SOX6: variants seen among roughly 807,000 people sequenced by gnomAD.
The protein encoded by SOX6 is transcription factor SOX-6.
Under a neutral mutation model 97.8 loss-of-function variants are expected in SOX6, and 11 were observed. The observed-to-expected ratio is 0.11, with a 90% CI of 0.07 to 0.19. SOX6 has a LOEUF of 0.19. SOX6 is among the 10% of genes least tolerant of loss of function. SOX6 has a pLI of 1.00. For synonymous variants in SOX6, 360 were observed against 371.4 expected, an observed-to-expected ratio of 0.97 and a Z score of 0.35; for missense variants, 810 against 1,039.5, an observed-to-expected ratio of 0.78 and a Z score of 3.04.
At chr11:16,291,307 G>T (rs944068819) in intron 3 of SOX6, among the ~76,000 whole-genome samples, 1 of 148,238 alleles carries the variant, frequency 6.7e-6, no homozygotes, top group Non-Finnish European at 1.5e-5. Flanking sequence ...GTAAACACAA[G>T]ATGCTGTTTT....
chr11:16,235,532 T>C (rs1462845950), intron 3 of SOX6, among the ~76,000 whole-genome samples: 1 of 152,038 alleles, frequency 6.6e-6, no homozygotes, highest in Admixed American at 6.6e-5. Flanking sequence ...AACAAATAGG[T>C]CATGTTTCCA....
chr11:16,125,243 G>A (rs1189641243), intron 6 of SOX6, among the ~76,000 whole-genome samples: 1 of 151,970 alleles, frequency 6.6e-6, no homozygotes, highest in Non-Finnish European at 1.5e-5. Context: ...TTCCCCAAAT[G>A]TTATATCAAA....
At chr11:16,398,608 T>C (rs914147425) in intron 1 of SOX6, among the ~76,000 whole-genome samples, 1 of 151,514 alleles carries the variant, frequency 6.6e-6, no homozygotes, top group Non-Finnish European at 1.5e-5. Flanking sequence ...TTGTTGTCTA[T>C]GGGTCTTATT....
chr11:16,081,415 T>C (rs1217426124), intron 9 of SOX6, among the ~76,000 whole-genome samples: 1 of 152,028 alleles, frequency 6.6e-6, no homozygotes, highest in East Asian at 1.9e-4. Flanking sequence ...ACAAAAAAAA[T>C]GAAGGAAAAA....
chr11:16,488,054 T>C (rs1295433712), intron 4 of SOX6, among the ~76,000 whole-genome samples: 1 of 152,222 alleles, frequency 6.6e-6, no homozygotes. Context: ...CAAGCATTTC[T>C]AAATTCACGG....
chr11:15,978,570 C>G (rs890671038), intron 15 of SOX6, among the ~76,000 whole-genome samples: 4 of 151,320 alleles, frequency 2.6e-5, no homozygotes, highest in African/African-American at 7.3e-5. Context: ...ATCTAAGCAC[C>G]GAAGTCCCCA....
At chr11:16,530,633 G>T (rs1257236981) in intron 4 of SOX6, among the ~76,000 whole-genome samples, 1 of 151,940 alleles carries the variant, frequency 6.6e-6, no homozygotes, top group Non-Finnish European at 1.5e-5. Flanking sequence ...AAAGTGATAA[G>T]ACTTAGGGCC....
At chr11:16,192,818 C>G (rs1296220676) in intron 4 of SOX6, among the ~76,000 whole-genome samples, 1 of 152,146 alleles carries the variant, frequency 6.6e-6, no homozygotes, top group Admixed American at 6.5e-5. Context: ...GTTAGCACTA[C>G]AGTCTGCTAA....
At chr11:16,321,463 T>C (rs1307745345) in intron 2 of SOX6, among the ~76,000 whole-genome samples, 1 of 151,854 alleles carries the variant, frequency 6.6e-6, no homozygotes, top group Non-Finnish European at 1.5e-5. Context: ...CTGAGAGCAT[T>C]TAGGCTCCAA....
rs77164196 is a variant in SOX6, at chr11:16,618,793, A to G, written n.430-6533T>C. On this transcript the variant is annotated intron_variant and non_coding_transcript_variant, in intron 3 of 5. Transcript: ENST00000524520. Reference sequence around the variant, plus strand: ...CTGCACATACTGTATGACTGTGACTATAGAAGACTGCCATCATAAAGTCCT... The same window carrying G: ...CTGCACATACTGTATGACTGTGACTGTAGAAGACTGCCATCATAAAGTCCT... Among the ~76,000 whole-genome samples, 51 of 152,146 alleles carry G rather than the reference A, an allele frequency of 3.4e-4. No individual in the cohort carries two copies. In the East Asian group the frequency reaches 9.1e-3, roughly 27 times the overall value.
At position 16,419,305 on chromosome 11, in the gene SOX6, T is replaced by C. The variant is rs183759263; in HGVS notation, c.-5+57010A>G. Among the ~76,000 whole-genome samples, 384 of 152,282 alleles carry C rather than the reference T, an allele frequency of 2.5e-3. 1 individual carries two copies. The highest frequency in any genetic ancestry group is 6.2e-3 in the South Asian group (30 of 4,828). On this transcript the variant is annotated intron_variant, in intron 1 of 15. Transcript: ENST00000396356. ...TGCCCTAAAGTAACAAAGATTTGCA[T>C]AGAGTTTAAATGAGTATGGTCTATA...
chr11:16,671,297 AGCTG>A (rs1847846025), intron 3 of SOX6, among the ~76,000 whole-genome samples: 1 of 152,216 alleles, frequency 6.6e-6, no homozygotes. Flanking sequence ...AACCAGGCTG[AGCTG>A]GCTGAAATGG....
At chr11:15,997,720 A>G (rs1042384157) in intron 13 of SOX6, among the ~76,000 whole-genome samples, 1 of 152,256 alleles carries the variant, frequency 6.6e-6, no homozygotes, top group Non-Finnish European at 1.5e-5. Context: ...TACAGGTAAC[A>G]TCATACTTAA....
intron 1 of SOX6, among the ~76,000 whole-genome samples, chr11:16,429,915 T>C (rs1425592675): frequency 1.3e-5 from 2 of 152,140 alleles, no homozygotes; most frequent in Non-Finnish European, 2.9e-5. Flanking sequence ...ACAAACAAGC[T>C]CTGCTATGTC....
chr11:16,548,655 T>C (rs917617908), intron 4 of SOX6, among the ~76,000 whole-genome samples: 7 of 152,104 alleles, frequency 4.6e-5, no homozygotes, highest in African/African-American at 7.2e-5. Context: ...GAAAGACACT[T>C]AAAATGAACG....
intron 6 of SOX6, among the ~76,000 whole-genome samples, chr11:16,142,245 C>G (rs545031603): frequency 4.6e-5 from 7 of 152,166 alleles, no homozygotes; most frequent in Non-Finnish European, 1.0e-4. Context: ...CAAATAGGGT[C>G]TGGAGTGGAC....
At chr11:16,666,140 G>A (rs1847805458) in intron 3 of SOX6, among the ~76,000 whole-genome samples, 1 of 152,222 alleles carries the variant, frequency 6.6e-6, no homozygotes, top group East Asian at 1.9e-4. Context: ...ACTCCTCAGT[G>A]CCCAGATACC....
intron 2 of SOX6, among the ~76,000 whole-genome samples, chr11:16,334,629 T>C (rs892060035): frequency 4.6e-5 from 7 of 152,054 alleles, no homozygotes; most frequent in African/African-American, 1.7e-4. Flanking sequence ...GGTTTCACCA[T>C]GTTGGCCAAG....
intron 3 of SOX6, among the ~76,000 whole-genome samples, chr11:16,648,185 C>A (rs772880950): frequency 2.6e-5 from 4 of 152,114 alleles, no homozygotes; most frequent in Non-Finnish European, 5.9e-5. Context: ...CACCATGGAG[C>A]AAGACTAGCC....
Sources: gnomAD v4.1 joint callset for allele counts (sites outside exome capture counted in the v4.1 genomes callset) on GRCh38, gnomAD v4.1.1 for gene constraint, MANE v1.5 for transcripts, NCBI Gene and HGNC (gene_info 2026-07-23, HGNC 2026-07-21) for gene names.